GAB2: variants seen among roughly 807,000 people sequenced by gnomAD.
GAB2 encodes the protein GRB2-associated-binding protein 2.
GAB2 carries 26 observed loss-of-function variants against 65.5 expected under a neutral mutation model. The observed-to-expected ratio is 0.40, with a 90% confidence interval of 0.29 to 0.55. The LOEUF (loss-of-function observed/expected upper bound fraction) is 0.55, where lower values mean the gene tolerates loss of function less well. GAB2 is among the 20% of genes least tolerant of loss of function. The probability of loss-of-function intolerance (pLI) is 0.53; values close to 1 mark genes in which losing one functional copy is unlikely to be tolerated. For missense variants in GAB2, 884 were observed against 875.8 expected (o/e 1.01, Z -0.12); for synonymous variants, 321 against 329.6 (o/e 0.97, Z 0.28).
chr11:78,291,667 G>A (rs901248727), intron 1 of GAB2, among the ~76,000 whole-genome samples: 1 of 139,978 alleles, frequency 7.1e-6, no homozygotes, highest in African/African-American at 2.7e-5. Context: ...GACCTCCTAG[G>A]CTCAAGCGAT....
At chr11:78,301,945 C>T (rs907776915) in intron 1 of GAB2, among the ~76,000 whole-genome samples, 1 of 152,150 alleles carries the variant, frequency 6.6e-6, no homozygotes, top group African/African-American at 2.4e-5. Flanking sequence ...GGGAAAAGGA[C>T]ACCCTATTCA....
At chr11:78,225,836 A>G (rs1864626401) in intron 4 of GAB2, among the ~76,000 whole-genome samples, 1 of 152,266 alleles carries the variant, frequency 6.6e-6, no homozygotes, top group Non-Finnish European at 1.5e-5. Context: ...CTTAAACAAC[A>G]GGATGGACAA....
intron 2 of GAB2, among the ~76,000 whole-genome samples, chr11:78,272,741 T>C (rs1329166620): frequency 1.3e-5 from 2 of 152,184 alleles, no homozygotes; most frequent in East Asian, 1.9e-4. Context: ...CCCAAGACAA[T>C]GGGGAAAATG....
intron 3 of GAB2, among the ~76,000 whole-genome samples, chr11:78,239,427 G>A (rs1228950140): frequency 6.6e-6 from 1 of 152,066 alleles, no homozygotes; most frequent in Non-Finnish European, 1.5e-5. Flanking sequence ...TACCATGTTG[G>A]TCAGGCTGGT....
chr11:78,223,985 G>A (rs1057505180), intron 5 of GAB2, among the ~76,000 whole-genome samples: 4 of 152,174 alleles, frequency 2.6e-5, no homozygotes, highest in African/African-American at 9.7e-5. Flanking sequence ...AGGAGGCTGA[G>A]GCACGAGAAT....
At chr11:78,258,738 T>C (rs1033116812) in intron 2 of GAB2, among the ~76,000 whole-genome samples, 4 of 152,062 alleles carry the variant, frequency 2.6e-5, no homozygotes, top group African/African-American at 7.2e-5. Flanking sequence ...GCTGGAACTA[T>C]AGGCATGCAC....
At chr11:78,296,640 T>C (rs1429977681) in intron 1 of GAB2, among the ~76,000 whole-genome samples, 1 of 151,786 alleles carries the variant, frequency 6.6e-6, no homozygotes, top group East Asian at 1.9e-4. Context: ...GTGAAATAAG[T>C]ACACAAAACA....
intron 1 of GAB2, among the ~76,000 whole-genome samples, chr11:78,372,994 C>T (rs1449227636): frequency 1.3e-5 from 2 of 152,040 alleles, no homozygotes; most frequent in Admixed American, 6.5e-5. Flanking sequence ...AGAAAGAATC[C>T]TTCCACCCTA....
intron 1 of GAB2, among the ~76,000 whole-genome samples, chr11:78,328,517 G>C (rs111557064): frequency 2.0e-5 from 3 of 152,220 alleles, no homozygotes; most frequent in South Asian, 2.1e-4. Flanking sequence ...AGCTGGAAAC[G>C]GCACAGGCAT....
chr11:78,238,206 C>CAAAAAAAAAAAAAAA (rs10541492), intron 3 of GAB2, among the ~76,000 whole-genome samples: 2 of 104,790 alleles, frequency 1.9e-5, no homozygotes, highest in Non-Finnish European at 3.9e-5. Flanking sequence ...AGGGAAGAAA[C>CAAAAAAAAAAAAAAA]AAAAAAAAAA....
intron 1 of GAB2, among the ~76,000 whole-genome samples, chr11:78,325,868 C>T (rs1855812703): frequency 6.6e-6 from 1 of 152,172 alleles, no homozygotes; most frequent in Non-Finnish European, 1.5e-5. Context: ...TTCCTATGAA[C>T]CTTCAGCAGT....
intron 2 of GAB2, among the ~76,000 whole-genome samples, chr11:78,265,213 T>TATAC (rs1865845060): frequency 2.0e-5 from 3 of 149,800 alleles, no homozygotes; most frequent in African/African-American, 4.8e-5. Flanking sequence ...CATATATATA[T>TATAC]ATATATATAT....
intron 1 of GAB2, among the ~76,000 whole-genome samples, chr11:78,317,457 G>A (rs760164926): frequency 9.9e-5 from 15 of 151,024 alleles, no homozygotes; most frequent in Non-Finnish European, 1.5e-4. Context: ...CCACTCGGGA[G>A]GCTGAATCGG....
chr11:78,332,685 A>C (rs1855935517), intron 1 of GAB2, among the ~76,000 whole-genome samples: 2 of 152,362 alleles, frequency 1.3e-5, no homozygotes, highest in South Asian at 4.1e-4. Flanking sequence ...ACTTGAAGGC[A>C]TATGTGAGTA....
At chr11:78,348,044 T>C (rs1303061088) in intron 1 of GAB2, among the ~76,000 whole-genome samples, 2 of 152,320 alleles carry the variant, frequency 1.3e-5, no homozygotes, top group African/African-American at 2.4e-5. Flanking sequence ...AAAATGTATT[T>C]AGTATTGATT....
intron 1 of GAB2, among the ~76,000 whole-genome samples, chr11:78,352,949 C>T (rs559173660): frequency 2.5e-4 from 38 of 152,338 alleles, no homozygotes; most frequent in Middle Eastern, 6.8e-3. Context: ...GTCCTATATC[C>T]TGCAACCTCT....
intron 1 of GAB2, among the ~76,000 whole-genome samples, chr11:78,374,046 C>A (rs1389650873): frequency 6.6e-6 from 1 of 152,122 alleles, no homozygotes; most frequent in African/African-American, 2.4e-5. Context: ...TTCTATGGGA[C>A]CCATTTTTGG....
intron 3 of GAB2, among the ~76,000 whole-genome samples, chr11:78,234,033 CT>C (rs1292782078): frequency 2.0e-5 from 3 of 152,162 alleles, no homozygotes; most frequent in African/African-American, 7.2e-5. Context: ...ATATAAAAAT[CT>C]TTGCTTACCT....
At chr11:78,340,964 T>G (rs1419226815) in intron 1 of GAB2, among the ~76,000 whole-genome samples, 1 of 152,174 alleles carries the variant, frequency 6.6e-6, no homozygotes, top group Non-Finnish European at 1.5e-5. Context: ...TAAACCTCCC[T>G]CCCACCTCCC....
Sources: allele counts gnomAD v4.1 joint callset (sites outside exome capture counted in the v4.1 genomes callset), GRCh38; gene constraint gnomAD v4.1.1; transcripts MANE v1.5; gene names NCBI Gene and HGNC (gene_info 2026-07-23, HGNC 2026-07-21).